The following SATB2 variants were observed in gnomAD, a reference collection of about 807,000 sequenced individuals.
SATB2 encodes SATB homeobox 2.
In SATB2, 1 loss-of-function variant was observed where a neutral mutation model predicts 73.4. The ratio of observed to expected loss-of-function variants is 0.01; its 90% CI spans 0.00 to 0.06. SATB2 has a LOEUF of 0.06. Among genes scored for constraint, SATB2 ranks in the 10% least tolerant of loss-of-function variants. The probability of loss-of-function intolerance (pLI) is 1.00; values close to 1 mark genes in which losing one functional copy is unlikely to be tolerated. For synonymous variants in SATB2, 397 were observed against 367.0 expected, an observed-to-expected ratio of 1.08 and a Z score of -0.93; for missense variants, 459 against 945.8, an observed-to-expected ratio of 0.49 and a Z score of 6.75.
Position 199,455,819 on chromosome 2 carries a change from C to A in SATB2, c.169+50G>T. The stretch of plus-strand genomic sequence containing the variant: ...ATCAACCTGAACCCTGACACCCGGG[C>A]CATTATCACTGGGCCGCGGGCTGCG... On this transcript the variant is annotated intron_variant, in intron 2 of 10. Coordinates refer to ENST00000417098, the MANE Select transcript of SATB2 (RefSeq NM_001172509.2). This position sits in a 1 kb window ranked among gnomAD's most constrained non-coding sequence, Gnocchi z 4.1. The A allele has an allele frequency of 6.6e-7, 1 of 1,525,472 alleles. No individual in the cohort carries two copies. The highest frequency in any genetic ancestry group is 8.8e-7 in the Non-Finnish European group (1 of 1,138,780). The allele number at this position is 1,525,472 out of a possible 1,614,324, so 94.5% of individuals were successfully genotyped here.
At chr2:199,387,066 G>A (rs1574576291) in intron 3 of SATB2, among the ~76,000 whole-genome samples, 1 of 152,088 alleles carries the variant, frequency 6.6e-6, no homozygotes, top group South Asian at 2.1e-4. Context: ...TTTGCACAGT[G>A]TTTTATACAA....
At chr2:199,451,985 T>C (rs1241885667) in intron 2 of SATB2, among the ~76,000 whole-genome samples, 1 of 152,148 alleles carries the variant, frequency 6.6e-6, no homozygotes, top group Non-Finnish European at 1.5e-5. Context: ...AATTAAATTG[T>C]TATTTATAAA....
At chr2:199,354,005 T>C (rs1022154204) in intron 6 of SATB2, among the ~76,000 whole-genome samples, 1 of 152,194 alleles carries the variant, frequency 6.6e-6, no homozygotes, top group African/African-American at 2.4e-5. Flanking sequence ...AATGTTCACA[T>C]TCACAACAGA....
rs1691459157 is a variant in SATB2 at position 199,430,167 on chromosome 2, T to C, written c.346+3171A>G. 2.6e-5 allele frequency among the ~76,000 whole-genome samples: 4 copies of C among 152,016 alleles called. No individual in the cohort carries two copies. In the South Asian group the frequency reaches 6.2e-4, roughly 24 times the overall value. On this transcript the variant is annotated intron_variant, in intron 3 of 10. Coordinates refer to ENST00000417098, the MANE Select transcript of SATB2 (RefSeq NM_001172509.2). ...TCCATGGCTACTGCCAAAAGCCTTA[T>C]GGGGAAGAACTGAAAGGATGAAAAG... is the stretch of plus-strand genomic sequence containing the variant.
chr2:199,304,311 C>T (rs965973866), intron 10 of SATB2, among the ~76,000 whole-genome samples: 1 of 152,168 alleles, frequency 6.6e-6, no homozygotes, highest in African/African-American at 2.4e-5. Flanking sequence ...ACAGGAAATA[C>T]TTTTGTTTCC....
chr2:199,391,887 C>T (rs944950973), intron 3 of SATB2, among the ~76,000 whole-genome samples: 2 of 152,150 alleles, frequency 1.3e-5, no homozygotes, highest in Admixed American at 6.5e-5. Flanking sequence ...AGGCTATTCC[C>T]CTTGCATGTC....
chr2:199,406,680 A>T (rs757623347), intron 3 of SATB2, among the ~76,000 whole-genome samples: 12 of 152,174 alleles, frequency 7.9e-5, no homozygotes, highest in Non-Finnish European at 1.3e-4. Context: ...GGTTTCTCTG[A>T]GGTACCAAAG....
intron 9 of SATB2, among the ~76,000 whole-genome samples, chr2:199,322,945 A>C (rs894785058): frequency 1.3e-5 from 2 of 152,120 alleles, no homozygotes; most frequent in African/African-American, 4.8e-5. Context: ...CAAGCTCAGA[A>C]TCAAAGGACT....
chr2:199,379,268 G>A (rs1266380164), intron 5 of SATB2, among the ~76,000 whole-genome samples: 1 of 152,112 alleles, frequency 6.6e-6, no homozygotes, highest in Admixed American at 6.5e-5. Flanking sequence ...TTCATGGTTT[G>A]TATTAGTTTA....
At chr2:199,423,173 G>C (rs1691223291) in intron 3 of SATB2, among the ~76,000 whole-genome samples, 1 of 151,914 alleles carries the variant, frequency 6.6e-6, no homozygotes, top group Non-Finnish European at 1.5e-5. Context: ...ATAATGTTAG[G>C]TCCTACCTAA....
intron 3 of SATB2, among the ~76,000 whole-genome samples, chr2:199,421,918 C>T (rs958876225): frequency 6.6e-6 from 1 of 152,224 alleles, no homozygotes; most frequent in Non-Finnish European, 1.5e-5. Context: ...TGTATCTGCA[C>T]ATAAATGTTG....
rs190887615 is a variant in SATB2 at position 199,332,948 on chromosome 2, A to C, written c.1174-4038T>G. The stretch of plus-strand genomic sequence containing the variant: ...ACTCACACCTGGGCCAGGCTTTAGG[A>C]ATGCTAAGCCTGACATGCCACTCCT... On this transcript the variant is annotated intron_variant, in intron 7 of 10. Transcript: ENST00000417098. Among the ~76,000 whole-genome samples the C allele has an allele frequency of 4.6e-5, 7 of 152,188 alleles. No individual in the cohort carries two copies. In the East Asian group the frequency reaches 1.4e-3, roughly 29 times the overall value.
chr2:199,397,250 T>C (rs898862888), intron 3 of SATB2, among the ~76,000 whole-genome samples: 1 of 152,218 alleles, frequency 6.6e-6, no homozygotes, highest in African/African-American at 2.4e-5. Flanking sequence ...CTAATAATTA[T>C]TGTTAAATCT....
intron 2 of SATB2, among the ~76,000 whole-genome samples, chr2:199,447,405 G>A (rs1691995798): frequency 6.6e-6 from 1 of 152,182 alleles, no homozygotes; most frequent in Non-Finnish European, 1.5e-5. Flanking sequence ...TGTGTGCTGA[G>A]AAGAAATGAG....
intron 3 of SATB2, among the ~76,000 whole-genome samples, chr2:199,402,451 G>T (rs564319140): frequency 6.6e-6 from 1 of 152,142 alleles, no homozygotes; most frequent in African/African-American, 2.4e-5. Flanking sequence ...TCAGCTACCC[G>T]AAAGGCTGAG....
chr2:199,290,379 C>CT (rs949167904), intron 10 of SATB2, among the ~76,000 whole-genome samples: 4 of 152,330 alleles, frequency 2.6e-5, no homozygotes, highest in African/African-American at 9.6e-5. Context: ...TCCACATACT[C>CT]TAAACTTAGC....
At chr2:199,319,536 C>T (rs545895672) in intron 9 of SATB2, among the ~76,000 whole-genome samples, 29 of 152,138 alleles carry the variant, frequency 1.9e-4, no homozygotes, top group Non-Finnish European at 3.7e-4. Flanking sequence ...TTTCTCTCCA[C>T]CTTCCTGATA....
upstream of SATB2, among the ~76,000 whole-genome samples, chr2:199,462,260 G>A (rs537827859): frequency 1.3e-5 from 2 of 152,332 alleles, no homozygotes; most frequent in South Asian, 4.1e-4. This position sits in a 1 kb window ranked among gnomAD's most constrained non-coding sequence, Gnocchi z 5.9. Flanking sequence ...CCCTCCTGGG[G>A]GCGGGAGGAG....
rs763400584 is a variant in SATB2 at position 199,281,544 on chromosome 2, A to G, written c.1741-8872T>C. ...AACAATTGGTTGAAAGTCCTTATGC[A>G]TAACTCAATTAGAATTTGTTGAATA... On this transcript the variant is annotated intron_variant, in intron 10 of 10. Transcript: ENST00000417098. Among the ~76,000 whole-genome samples the G allele has an allele frequency of 4.9e-4, 75 of 152,144 alleles. 1 individual carries two copies. The highest frequency in any genetic ancestry group is 1.0e-3 in the Non-Finnish European group (71 of 68,036).
Sources: allele counts gnomAD v4.1 joint callset (sites outside exome capture counted in the v4.1 genomes callset), GRCh38; gene constraint gnomAD v4.1.1; non-coding constraint Gnocchi (gnomAD v3.1); transcripts MANE v1.5; gene names NCBI Gene and HGNC (gene_info 2026-07-23, HGNC 2026-07-21).